The following SIPA1L1 variants were observed in gnomAD, a reference collection of about 807,000 sequenced individuals.
SIPA1L1 encodes the protein signal induced proliferation associated 1 like 1, also known as signal-induced proliferation-associated 1-like protein 1.
In SIPA1L1, 26 loss-of-function variants were observed where a neutral mutation model predicts 162.7. The observed-to-expected ratio is 0.16, with a 90% confidence interval of 0.12 to 0.22. SIPA1L1 has a LOEUF of 0.22. Ranked by LOEUF, SIPA1L1 falls within the 10% of genes least tolerant of loss-of-function variation. SIPA1L1 has a pLI of 1.00. For missense variants in SIPA1L1, 1,874 were observed against 2,241.0 expected (o/e 0.84, Z 3.31); for synonymous variants, 829 against 837.4 (o/e 0.99, Z 0.17).
At chr14:71,688,400 G>A (rs1041224244) in intron 13 of SIPA1L1, among the ~76,000 whole-genome samples, 20 of 152,260 alleles carry the variant, frequency 1.3e-4, no homozygotes, top group Middle Eastern at 3.4e-3. Flanking sequence ...CGGGCTACTC[G>A]TGTTTGAGAA....
intron 2 of SIPA1L1, among the ~76,000 whole-genome samples, chr14:71,354,952 C>A (rs1566924092): frequency 6.6e-6 from 1 of 152,094 alleles, no homozygotes; most frequent in East Asian, 1.9e-4. Flanking sequence ...AGACCCAGGG[C>A]CCGGGGGTCA....
rs2082154155 is a variant in SIPA1L1 at position 71,702,373 on chromosome 14, C to T, written c.3522-8C>T. The T allele has an allele frequency of 3.1e-6, 5 of 1,613,850 alleles. No individual in the cohort carries two copies. The highest frequency in any genetic ancestry group is 4.2e-6 in the Non-Finnish European group (5 of 1,179,828). Reference sequence around the variant, plus strand: ...ATGTTGTCTTTGCCTTTGCGGAAATCACCACAGGTTTGGAGTGAGCCGTAG... The same window carrying T: ...ATGTTGTCTTTGCCTTTGCGGAAATTACCACAGGTTTGGAGTGAGCCGTAG... On this transcript the variant is annotated splice_polypyrimidine_tract_variant and splice_region_variant and intron_variant, in intron 14 of 23. Transcript: ENST00000381232.
At chr14:71,350,428 G>A (rs1487550771) in intron 2 of SIPA1L1, among the ~76,000 whole-genome samples, 3 of 152,046 alleles carry the variant, frequency 2.0e-5, no homozygotes, top group Non-Finnish European at 4.4e-5. Context: ...AAAAAAAAGT[G>A]GGAGGTATTG....
At chr14:71,408,620 CCT>C (rs1043358929) in intron 2 of SIPA1L1, among the ~76,000 whole-genome samples, 8 of 152,188 alleles carry the variant, frequency 5.3e-5, no homozygotes, top group Non-Finnish European at 1.2e-4. Flanking sequence ...GCCTCCACCC[CCT>C]TTCCCCTTTC....
At chr14:71,439,685 T>C (rs2044680656) in intron 2 of SIPA1L1, among the ~76,000 whole-genome samples, 1 of 152,234 alleles carries the variant, frequency 6.6e-6, no homozygotes, top group Non-Finnish European at 1.5e-5. Flanking sequence ...CATTTTTAGT[T>C]TCAGTTCACT....
At position 71,671,619 on chromosome 14, in the gene SIPA1L1, A is replaced by G. The variant is rs879072637; in HGVS notation, c.2756A>G (p.Glu919Gly). Residue 919 changes from glutamate (E) to glycine (G), a missense_variant, in exon 11 of 24, where the codon GAA becomes GGA. Glu to Gly is a moderately conservative substitution (Grantham distance 98). This residue lies in a region of SIPA1L1 where 243 missense variants were observed against 315.0 expected (regional missense o/e 0.77). Coordinates refer to ENST00000381232, the MANE Select transcript of SIPA1L1 (RefSeq NM_001386936.1). ...GACACCAGCCTCAAAATCTTCTATG[A>G]ACGAGGAGAATGTGTTTCAGTGGGT... is the stretch of plus-strand genomic sequence containing the variant. ...STDTSLKIFY[E>G]RGECVSVGSF... 47 of 1,614,060 alleles carry G rather than the reference A, an allele frequency of 2.9e-5. No homozygotes were observed. Among genetic ancestry groups the G allele is most frequent in the Non-Finnish European group, 3.7e-5 (44 of 1,180,020 alleles).
chr14:71,638,303 T>G (rs1383461020), intron 7 of SIPA1L1, among the ~76,000 whole-genome samples: 1 of 151,848 alleles, frequency 6.6e-6, no homozygotes, highest in Non-Finnish European at 1.5e-5. Context: ...AAAAAAAAAT[T>G]AGCAAATATA....
intron 2 of SIPA1L1, among the ~76,000 whole-genome samples, chr14:71,391,295 T>C (rs534749883): frequency 1.3e-5 from 2 of 152,002 alleles, no homozygotes; most frequent in Admixed American, 6.5e-5. Context: ...TTAGTAGAGA[T>C]GGGGTTTCAC....
chr14:71,323,682 A>C (rs371514804), intron 2 of SIPA1L1, among the ~76,000 whole-genome samples: 1 of 152,164 alleles, frequency 6.6e-6, no homozygotes, highest in East Asian at 1.9e-4. Context: ...TCTGAAAATA[A>C]ATTCAGAAAT....
intron 4 of SIPA1L1, among the ~76,000 whole-genome samples, chr14:71,548,394 AT>A (rs1352018287): frequency 3.3e-5 from 5 of 152,042 alleles, no homozygotes; most frequent in Non-Finnish European, 1.5e-5. Context: ...TCACCAGTAG[AT>A]TTTTTTTATT....
rs938482781 is a variant in SIPA1L1 at position 71,660,348 on chromosome 14, A to G, written c.2098-962A>G. Among the ~76,000 whole-genome samples the G allele has an allele frequency of 2.0e-5, 3 of 152,142 alleles. 1 individual carries two copies. The South Asian group carries it at 6.2e-4, about 31-fold the overall frequency. ...TAGAAGACAATTTGGGATGCTTTCA[A>G]ATTCCTGAGGTTAAAAGTGCATTTC... is the stretch of plus-strand genomic sequence containing the variant. On this transcript the variant is annotated intron_variant, in intron 9 of 23. Transcript: ENST00000381232.
intron 7 of SIPA1L1, among the ~76,000 whole-genome samples, chr14:71,646,123 T>C (rs141168829): frequency 2.0e-4 from 30 of 152,224 alleles, no homozygotes; most frequent in African/African-American, 7.0e-4. Flanking sequence ...CGTCCATCTT[T>C]CCAGGAAGTT....
intron 17 of SIPA1L1, among the ~76,000 whole-genome samples, chr14:71,719,848 A>G (rs559405404): frequency 1.3e-5 from 2 of 152,286 alleles, no homozygotes; most frequent in Non-Finnish European, 2.9e-5. Flanking sequence ...AGTTGCAAAG[A>G]TAGAGTTCCC....
At chr14:71,338,900 CG>C (rs1166958269) in intron 2 of SIPA1L1, among the ~76,000 whole-genome samples, 3 of 151,826 alleles carry the variant, frequency 2.0e-5, no homozygotes, top group African/African-American at 7.3e-5. Context: ...CCACCACACC[CG>C]GCTTCTTTTT....
intron 3 of SIPA1L1, among the ~76,000 whole-genome samples, chr14:71,523,711 A>G (rs192162052): frequency 1.3e-5 from 2 of 152,300 alleles, no homozygotes; most frequent in Admixed American, 6.5e-5. Flanking sequence ...AAATTTTCCT[A>G]TAAGAAAGAG....
At chr14:71,544,843 T>TATA (rs1217036781) in intron 4 of SIPA1L1, among the ~76,000 whole-genome samples, 4 of 152,234 alleles carry the variant, frequency 2.6e-5, no homozygotes, top group African/African-American at 9.6e-5. Context: ...ACTGTAGCTT[T>TATA]ATAAAGGCTT....
rs1382456163 is a variant in SIPA1L1, at chr14:71,733,681, C to T, written c.4877C>T (p.Ser1626Leu). The change falls in exon 21 of 24, where the codon TCG (serine) becomes TTG (leucine). Residue 1626 changes from serine (S) to leucine (L), a missense_variant. By Grantham distance (145) the Ser-to-Leu change is moderately radical. Around this residue, in one of 5 missense-constraint regions of SIPA1L1, gnomAD observed 936 missense variants for 1,051.9 expected, o/e 0.89. Coordinates refer to ENST00000381232, the MANE Select transcript of SIPA1L1 (RefSeq NM_001386936.1). ...CTTCCCGCAGGAGAGTTCTCAGCCTCGGACAGCTCCCTCACTGACATCCAG... is the reference window on the plus strand; with the variant it reads ...CTTCCCGCAGGAGAGTTCTCAGCCTTGGACAGCTCCCTCACTGACATCCAG... The part of the protein sequence containing the change: ...MKSLHGEFSA[S>L]DSSLTDIQET... 4 of 1,613,848 alleles carry T rather than the reference C, an allele frequency of 2.5e-6. No individual in the cohort carries two copies. Among genetic ancestry groups the T allele is most frequent in the Non-Finnish European group, 3.4e-6 (4 of 1,179,984 alleles).
intron 7 of SIPA1L1, among the ~76,000 whole-genome samples, chr14:71,647,643 G>C (rs534311861): frequency 2.6e-5 from 4 of 152,122 alleles, no homozygotes; most frequent in Non-Finnish European, 4.4e-5. Flanking sequence ...GTTCTCCCTG[G>C]AGGGAGAGAG....
intron 2 of SIPA1L1, among the ~76,000 whole-genome samples, chr14:71,367,808 T>C (rs1472769529): frequency 6.6e-6 from 1 of 150,796 alleles, no homozygotes; most frequent in Admixed American, 6.6e-5. Context: ...GGTTTCACCA[T>C]GTTGGCCAGG....
Sources: allele counts gnomAD v4.1 joint callset (sites outside exome capture counted in the v4.1 genomes callset), GRCh38; gene constraint gnomAD v4.1.1; regional missense constraint gnomAD v4.1.1; transcripts MANE v1.5; gene names NCBI Gene and HGNC (gene_info 2026-07-23, HGNC 2026-07-21).